ST8SIA6: variants seen among roughly 807,000 people sequenced by gnomAD.
The protein encoded by ST8SIA6 is alpha-2,8-sialyltransferase 8F.
In ST8SIA6, 39 loss-of-function variants were observed where a neutral mutation model predicts 33.6. The ratio of observed to expected loss-of-function variants is 1.16; its 90% confidence interval spans 0.90 to 1.52. The LOEUF is 1.52. ST8SIA6 is among the 40% of genes most tolerant of loss of function. ST8SIA6 has a pLI of 0.00. For synonymous variants in ST8SIA6, 172 were observed against 167.2 expected (o/e 1.03, Z -0.22); for missense variants, 441 against 443.8 (o/e 0.99, Z 0.06).
chr10:17,325,122 A>G (rs1848084435), intron 6 of ST8SIA6, among the ~76,000 whole-genome samples: 1 of 141,388 alleles, frequency 7.1e-6, no homozygotes, highest in South Asian at 2.2e-4. Context: ...ATATGTATAT[A>G]TGCTATTATA....
chr10:17,442,131 T>G (rs575197833), intron 2 of ST8SIA6, among the ~76,000 whole-genome samples: 1 of 152,214 alleles, frequency 6.6e-6, no homozygotes, highest in Non-Finnish European at 1.5e-5. Flanking sequence ...CCTCCCGAAG[T>G]GCTGGGATTA....
intron 4 of ST8SIA6, among the ~76,000 whole-genome samples, chr10:17,349,213 T>C (rs1286385230): frequency 6.6e-6 from 1 of 152,214 alleles, no homozygotes; most frequent in Non-Finnish European, 1.5e-5. Context: ...AGTTGGTCCT[T>C]ACCAAGAACG....
chr10:17,389,572 G>A (rs1164280635), intron 3 of ST8SIA6, among the ~76,000 whole-genome samples: 1 of 152,068 alleles, frequency 6.6e-6, no homozygotes, highest in Non-Finnish European at 1.5e-5. Flanking sequence ...TGGAGCACTT[G>A]GATTTCCTTT....
intron 2 of ST8SIA6, among the ~76,000 whole-genome samples, chr10:17,426,839 C>T (rs914839237): frequency 3.9e-5 from 6 of 152,156 alleles, no homozygotes; most frequent in South Asian, 2.1e-4. Context: ...CAGTGGCTCA[C>T]GCCTCTAATC....
At chr10:17,358,958 T>G (rs1849295664) in intron 4 of ST8SIA6, among the ~76,000 whole-genome samples, 1 of 152,170 alleles carries the variant, frequency 6.6e-6, no homozygotes, top group Admixed American at 6.5e-5. Context: ...CAAAATTTAT[T>G]CCTGTCTGGA....
Position 17,320,142 on chromosome 10 carries a change from C to T in ST8SIA6, c.*736G>A, listed in dbSNP as rs1208688856. 3 of 152,050 alleles carry T rather than the reference C, an allele frequency of 2.0e-5. No individual in the cohort carries two copies. The highest frequency in any genetic ancestry group is 4.8e-5 in the African/African-American group (2 of 41,392). The allele number at this position is 152,050 out of a possible 1,614,324, so 9.4% of individuals were successfully genotyped here. A position where few individuals can be genotyped will look rare whatever the true frequency, so the allele number is the denominator to read the frequency against. ...CAGGCAAGACAACAGGTAAGAAAGACTGGGTATTGTAACTGTTCACGTCCT... is the reference window on the plus strand; with the variant it reads ...CAGGCAAGACAACAGGTAAGAAAGATTGGGTATTGTAACTGTTCACGTCCT... On this transcript the variant is annotated 3_prime_UTR_variant, in exon 8 of 8. Coordinates refer to ENST00000377602, the MANE Select transcript of ST8SIA6 (RefSeq NM_001004470.3).
Position 17,320,400 on chromosome 10 carries a change from T to C in ST8SIA6, c.*478A>G, listed in dbSNP as rs1441863277. On this transcript the variant is annotated 3_prime_UTR_variant, in exon 8 of 8. Transcript: ENST00000377602. ...TGATCAAGAACTTTTTGCTTAAGTATATAATTTTCTTGCATGCAGTCTTTG... is the reference window on the plus strand; with the variant it reads ...TGATCAAGAACTTTTTGCTTAAGTACATAATTTTCTTGCATGCAGTCTTTG... 2 of 155,770 alleles carry C rather than the reference T, an allele frequency of 1.3e-5. No individual in the cohort carries two copies. Among genetic ancestry groups the C allele is most frequent in the African/African-American group, 4.8e-5 (2 of 41,488 alleles). 9.6% of individuals were successfully genotyped at this position (155,770 alleles called of 1,614,324 possible).
chr10:17,447,272 G>A (rs998616089), intron 2 of ST8SIA6, among the ~76,000 whole-genome samples: 1 of 151,292 alleles, frequency 6.6e-6, no homozygotes, highest in African/African-American at 2.4e-5. Flanking sequence ...TAGGTGCAGT[G>A]GTGTGGGCCT....
intron 4 of ST8SIA6, among the ~76,000 whole-genome samples, chr10:17,350,535 C>G (rs1848995051): frequency 6.6e-6 from 1 of 151,804 alleles, no homozygotes; most frequent in African/African-American, 2.4e-5. Context: ...CAAAACAAAA[C>G]AAAACAAAAA....
At chr10:17,431,921 A>G (rs1852114277) in intron 2 of ST8SIA6, among the ~76,000 whole-genome samples, 1 of 152,162 alleles carries the variant, frequency 6.6e-6, no homozygotes, top group African/African-American at 2.4e-5. Flanking sequence ...TATGGTGAAA[A>G]GTGGTACAGG....
intron 2 of ST8SIA6, among the ~76,000 whole-genome samples, chr10:17,424,394 G>C (rs900142513): frequency 2.6e-5 from 4 of 152,046 alleles, no homozygotes; most frequent in Non-Finnish European, 5.9e-5. Flanking sequence ...GTGAGCCACC[G>C]TTCCTGGCCT....
chr10:17,325,311 A>G (rs943590444), intron 6 of ST8SIA6, among the ~76,000 whole-genome samples: 2 of 146,436 alleles, frequency 1.4e-5, no homozygotes, highest in African/African-American at 5.0e-5. Context: ...ACAGTATTAT[A>G]TATTTATCAT....
chr10:17,442,831 T>G (rs546243440), intron 2 of ST8SIA6, among the ~76,000 whole-genome samples: 21 of 152,326 alleles, frequency 1.4e-4, no homozygotes, highest in African/African-American at 4.6e-4. Context: ...CAGGCTATTT[T>G]GTCACGTAAA....
chr10:17,333,345 C>G (rs1564404528), intron 4 of ST8SIA6, among the ~76,000 whole-genome samples: 2 of 151,912 alleles, frequency 1.3e-5, no homozygotes, highest in African/African-American at 4.8e-5. Flanking sequence ...CAATGCTATT[C>G]CCATCAAAAT....
At chr10:17,383,549 T>C (rs381545) in intron 3 of ST8SIA6, among the ~76,000 whole-genome samples, 59,892 of 152,072 alleles carry the variant, frequency 0.39, 12,204 homozygotes, top group East Asian at 0.64. Flanking sequence ...TCAATTGTGT[T>C]TTTTGACTAT....
At position 17,379,363 on chromosome 10, in the gene ST8SIA6, G is replaced by A. The variant is rs144347027; in HGVS notation, c.290+11168C>T. Among the ~76,000 whole-genome samples the A allele has an allele frequency of 2.6e-5, 4 of 152,134 alleles. No homozygotes were observed. In the East Asian group the frequency reaches 7.8e-4, roughly 30 times the overall value. On this transcript the variant is annotated intron_variant, in intron 3 of 7. Transcript: ENST00000377602. The stretch of plus-strand genomic sequence containing the variant: ...TGAGAGACCTAATAATCACCTTAGC[G>A]TTTGTTCCGTGATGCAGCACTTCTT...
intron 3 of ST8SIA6, among the ~76,000 whole-genome samples, chr10:17,376,934 A>AT (rs1377218239): frequency 6.6e-6 from 1 of 152,054 alleles, no homozygotes; most frequent in Non-Finnish European, 1.5e-5. Flanking sequence ...TAGATTTATA[A>AT]TTTTTTTTAC....
At chr10:17,387,253 A>ATTTTT (rs34212118) in intron 3 of ST8SIA6, among the ~76,000 whole-genome samples, 1 of 145,418 alleles carries the variant, frequency 6.9e-6, no homozygotes, top group Non-Finnish European at 1.5e-5. Context: ...GAAAACAATA[A>ATTTTT]TTTTTTTTTT....
chr10:17,448,904 G>A (rs1852819012), intron 2 of ST8SIA6, among the ~76,000 whole-genome samples: 1 of 150,686 alleles, frequency 6.6e-6, no homozygotes, highest in Non-Finnish European at 1.5e-5. Context: ...ACAGGCGTGA[G>A]CCATTGCGCC....
Sources: allele counts gnomAD v4.1 joint callset (sites outside exome capture counted in the v4.1 genomes callset), GRCh38; gene constraint gnomAD v4.1.1; transcripts MANE v1.5; gene names NCBI Gene and HGNC (gene_info 2026-07-23, HGNC 2026-07-21).